Variants in NAT1 observed in about 807,000 individuals in gnomAD.
NAT1 encodes arylamine N-acetyltransferase 1.
For missense variants in NAT1, 400 were observed against 339.2 expected (o/e 1.18, Z -1.41); for synonymous variants, 144 against 122.6 (o/e 1.17, Z -1.16).
At chr8:18,213,171 CA>C (rs1232301490) in intron 1 of NAT1, among the ~76,000 whole-genome samples, 5 of 152,060 alleles carry the variant, frequency 3.3e-5, no homozygotes, top group African/African-American at 9.6e-5. Context: ...CTCGGCCTCC[CA>C]AAGCGCTGGG....
chr8:18,187,727 C>T (rs9969561), intron 2 of NAT1, among the ~76,000 whole-genome samples: 6 of 151,524 alleles, frequency 4.0e-5, no homozygotes, highest in South Asian at 2.1e-4. Context: ...GAGAAAAAAA[C>T]GGGATAAGGA....
intron 2 of NAT1, among the ~76,000 whole-genome samples, chr8:18,183,645 G>T (rs1279701994): frequency 6.6e-6 from 1 of 152,324 alleles, no homozygotes; most frequent in East Asian, 1.9e-4. Context: ...GGGTGAGACT[G>T]AAGCATGGTT....
intron 2 of NAT1, among the ~76,000 whole-genome samples, chr8:18,183,378 C>A (rs186804642): frequency 2.0e-5 from 3 of 152,276 alleles, no homozygotes; most frequent in East Asian, 3.9e-4. Context: ...CCAAAACTCA[C>A]GTCCTCGCAT....
chr8:18,205,345 T>G (rs937423186), upstream of NAT1, among the ~76,000 whole-genome samples: 1 of 152,118 alleles, frequency 6.6e-6, no homozygotes, highest in Non-Finnish European at 1.5e-5. Flanking sequence ...GGTGGTGGTA[T>G]TGGCTTGGGG....
intron 2 of NAT1, among the ~76,000 whole-genome samples, chr8:18,221,126 C>A (rs564557862): frequency 6.6e-6 from 1 of 152,284 alleles, no homozygotes; most frequent in South Asian, 2.1e-4. Flanking sequence ...TCAGTCCACT[C>A]TCCTTCTTAC....
At chr8:18,216,199 G>A (rs1467131074) in intron 1 of NAT1, among the ~76,000 whole-genome samples, 1 of 152,166 alleles carries the variant, frequency 6.6e-6, no homozygotes, top group Admixed American at 6.5e-5. Flanking sequence ...CTGACTTTCT[G>A]TGGTGTCTAA....
At chr8:18,173,724 G>C (rs745735512) in intron 2 of NAT1, among the ~76,000 whole-genome samples, 5 of 152,102 alleles carry the variant, frequency 3.3e-5, no homozygotes, top group Non-Finnish European at 7.4e-5. Context: ...TCATAGATTT[G>C]TTGTGATTAT....
intron 2 of NAT1, among the ~76,000 whole-genome samples, chr8:18,199,453 A>G (rs572265813): frequency 4.5e-4 from 68 of 152,144 alleles, no homozygotes; most frequent in African/African-American, 1.5e-3. Context: ...TCACACGAAA[A>G]AAATCTAGGG....
intron 1 of NAT1, chr8:18,216,743 C>G: frequency 1.8e-6 from 1 of 570,858 alleles, no homozygotes; most frequent in Non-Finnish European, 3.1e-6. Context: ...AAGATAAAAG[C>G]AAAATTTCGT....
At chr8:18,197,359 G>A (rs1423431711) in intron 2 of NAT1, among the ~76,000 whole-genome samples, 2 of 152,108 alleles carry the variant, frequency 1.3e-5, no homozygotes, top group African/African-American at 2.4e-5. Context: ...TACAGCCATC[G>A]GGGGATAACT....
At chr8:18,180,908 C>A (rs192701378) in intron 2 of NAT1, among the ~76,000 whole-genome samples, 1 of 152,040 alleles carries the variant, frequency 6.6e-6, no homozygotes, top group Non-Finnish European at 1.5e-5. Context: ...GTTGCTATAG[C>A]TTTATAGTAT....
chr8:18,210,585 T>G (rs967201135), intron 1 of NAT1, among the ~76,000 whole-genome samples: 1 of 152,216 alleles, frequency 6.6e-6, no homozygotes, highest in African/African-American at 2.4e-5. Flanking sequence ...TCTTGGTTAC[T>G]TGTAACAGTG....
upstream of NAT1, among the ~76,000 whole-genome samples, chr8:18,208,853 G>C (rs114395771): frequency 1.3e-5 from 2 of 152,212 alleles, no homozygotes; most frequent in Non-Finnish European, 2.9e-5. Context: ...AGGAATCCAA[G>C]TTCCAGTCCA....
At chr8:18,187,674 A>C (rs1433035808) in intron 2 of NAT1, among the ~76,000 whole-genome samples, 2 of 152,048 alleles carry the variant, frequency 1.3e-5, no homozygotes, top group Non-Finnish European at 2.9e-5. Flanking sequence ...GACACGAAGA[A>C]GGGAATAACA....
intron 1 of NAT1, chr8:18,211,102 G>C (rs1804057215): frequency 6.6e-6 from 1 of 152,242 alleles, no homozygotes; most frequent in South Asian, 2.1e-4. Context: ...ACCACACTAG[G>C]GACGAAGTTT....
rs1390941297 is a variant in NAT1 at position 18,196,721 on chromosome 8, A to G, written n.93-13060A>G. On this transcript the variant is annotated intron_variant and non_coding_transcript_variant, in intron 2 of 4. Coordinates refer to the NAT1 transcript ENST00000517441. ...ATGCATAAATAACCAGCAGGGAGGG[A>G]AGGTGCATCATTACATTTAGAAACA... is the stretch of plus-strand genomic sequence containing the variant. Among the ~76,000 whole-genome samples the G allele has an allele frequency of 3.9e-5, 6 of 152,300 alleles. No homozygotes were observed. The East Asian group carries it at 1.2e-3, about 29-fold the overall frequency.
intron 2 of NAT1, among the ~76,000 whole-genome samples, chr8:18,204,163 T>C (rs73571965): frequency 2.7e-5 from 4 of 148,622 alleles, no homozygotes; most frequent in African/African-American, 9.8e-5. Flanking sequence ...TTGGATGTCT[T>C]TCTCTCTCTC....
upstream of NAT1, among the ~76,000 whole-genome samples, chr8:18,207,576 T>C (rs1803779144): frequency 6.6e-6 from 1 of 152,166 alleles, no homozygotes; most frequent in African/African-American, 2.4e-5. Context: ...ATACCATCTC[T>C]TGCCAGTCAG....
At chr8:18,213,808 C>A (rs752903254) in intron 1 of NAT1, among the ~76,000 whole-genome samples, 3 of 151,748 alleles carry the variant, frequency 2.0e-5, no homozygotes, top group Non-Finnish European at 2.9e-5. Flanking sequence ...AAATTTTTAA[C>A]GTCATATTTC....
Sources: allele counts gnomAD v4.1 joint callset (sites outside exome capture counted in the v4.1 genomes callset), GRCh38; gene constraint gnomAD v4.1.1; transcripts MANE v1.5; gene names NCBI Gene and HGNC (gene_info 2026-07-23, HGNC 2026-07-21).